Variants in SEC14L3 observed in about 807,000 individuals in gnomAD.
The protein encoded by SEC14L3 is SEC14 like lipid binding 3.
Under a neutral mutation model 57.4 loss-of-function variants are expected in SEC14L3, and 56 were observed. The observed-to-expected ratio is 0.97, with a 90% CI of 0.79 to 1.22. The LOEUF (loss-of-function observed/expected upper bound fraction) is 1.22. SEC14L3 is among the 50% of genes most tolerant of loss of function. SEC14L3 has a pLI of 0.00. For synonymous variants in SEC14L3, 173 were observed against 194.4 expected (o/e 0.89, Z 0.92); for missense variants, 485 against 511.7 (o/e 0.95, Z 0.50).
In SEC14L3 at chr22:30,464,791, G is replaced by A. The variant is rs748163291; in HGVS notation, c.664+29C>T. ...CCTCACTCCAAAGGTCATGTATAGAGGTCAGGAAATTGAGCTGGCACTACT... is the reference window on the plus strand; with the variant it reads ...CCTCACTCCAAAGGTCATGTATAGAAGTCAGGAAATTGAGCTGGCACTACT... On this transcript the variant is annotated intron_variant, in intron 8 of 11. Transcript: ENST00000215812. 12 of 1,609,494 alleles carry A rather than the reference G, an allele frequency of 7.5e-6. No individual in the cohort carries two copies. The South Asian group carries it at 7.7e-5, about 10-fold the overall frequency.
chr22:30,451,591 G>A (rs1934981736), intron 12 of SEC14L3, among the ~76,000 whole-genome samples: 1 of 152,182 alleles, frequency 6.6e-6, no homozygotes, highest in Non-Finnish European at 1.5e-5. Context: ...GCCCCGAAGA[G>A]TAAGAAACCA....
At chr22:30,451,147 T>C (rs1166637011) in intron 12 of SEC14L3, among the ~76,000 whole-genome samples, 1 of 152,174 alleles carries the variant, frequency 6.6e-6, no homozygotes, top group Non-Finnish European at 1.5e-5. Flanking sequence ...GCAGGCCAGG[T>C]CAGGGGGGCT....
rs1181055637 is a variant in SEC14L3, at chr22:30,462,123, AG to A, written c.733del (p.Leu245Ter). ...TTTGGGGTTCCCATCTGGGTCAGTC[AG>A]GGTGCCCCCAAACTGGGCAGGCAGT... ...EELPAQFGGT[L>X]TDPDGNPKCL... On this transcript the variant is annotated frameshift_variant, in exon 9 of 12. Transcript: ENST00000215812. LOFTEE classifies it high-confidence loss of function. 14 of 1,614,160 alleles carry A rather than the reference AG, an allele frequency of 8.7e-6. No homozygotes were observed. Among genetic ancestry groups the A allele is most frequent in the Non-Finnish European group, 1.1e-5 (13 of 1,180,000 alleles).
At chr22:30,470,184 A>G in intron 3 of SEC14L3, 28 bp downstream of exon 3, 1 of 1,613,966 alleles carries the variant, frequency 6.2e-7, no homozygotes, top group Non-Finnish European at 8.5e-7. Flanking sequence ...AATCCCCTCC[A>G]TAAATTTCCA....
At chr22:30,460,188 C>T (rs367973221) in intron 11 of SEC14L3, 46 bp from the exon 12 acceptor site, 8 of 1,597,720 alleles carry the variant, frequency 5.0e-6, no homozygotes, top group South Asian at 3.3e-5. Context: ...GCTTTACACA[C>T]TCTTTTTTCC....
chr22:30,449,374 T>C (rs1934936022), intron 12 of SEC14L3: 1 of 1,280,714 alleles, frequency 7.8e-7, no homozygotes, highest in Non-Finnish European at 1.1e-6. Flanking sequence ...CTATGTGTCA[T>C]TCTATAATAG....
chr22:30,470,658 A>G, intron 1 of SEC14L3, 76 bp from the exon 2 acceptor site: 2 of 1,602,148 alleles, frequency 1.2e-6, no homozygotes, highest in Admixed American at 1.7e-5. Context: ...CTGTTTTCAC[A>G]ACCTCTCCTT....
At chr22:30,468,973 C>T (rs151299258) in intron 4 of SEC14L3, 14 of 1,419,948 alleles carry the variant, frequency 9.9e-6, no homozygotes, top group African/African-American at 4.3e-5. Context: ...GGAGAAGAGT[C>T]GGGTTTAGTG....
chr22:30,457,723 C>T (rs1484900865), downstream of SEC14L3, among the ~76,000 whole-genome samples: 2 of 151,078 alleles, frequency 1.3e-5, no homozygotes, highest in East Asian at 3.9e-4. Context: ...TGACAACCCT[C>T]ATTTTCTCTT....
chr22:30,467,344 C>T (rs1346190567), intron 5 of SEC14L3, among the ~76,000 whole-genome samples: 3 of 152,140 alleles, frequency 2.0e-5, no homozygotes, highest in Non-Finnish European at 4.4e-5. Context: ...TTAATTGAAC[C>T]ATCCATCCAT....
At chr22:30,455,935 C>T (rs778534583), downstream of SEC14L3, among the ~76,000 whole-genome samples, 4 of 152,164 alleles carry the variant, frequency 2.6e-5, no homozygotes, top group Admixed American at 6.6e-5. Flanking sequence ...GGCCTGCAGG[C>T]CTTGGTTTTC....
At chr22:30,457,377 CTTTTTTTT>C (rs60894978), downstream of SEC14L3, among the ~76,000 whole-genome samples, 5 of 136,644 alleles carry the variant, frequency 3.7e-5, no homozygotes, top group Non-Finnish European at 6.3e-5. Flanking sequence ...TTAAGTATGT[CTTTTTTTT>C]TTTTTTTTTT....
chr22:30,469,787 G>A (rs563005239), intron 4 of SEC14L3, among the ~76,000 whole-genome samples: 2 of 152,266 alleles, frequency 1.3e-5, no homozygotes, highest in East Asian at 3.9e-4. Context: ...CACAAAATGG[G>A]GACAATAGCA....
intron 4 of SEC14L3, chr22:30,469,047 G>T: frequency 8.9e-7 from 1 of 1,128,884 alleles, no homozygotes; most frequent in Non-Finnish European, 1.2e-6. Flanking sequence ...GCTGGGCATG[G>T]AGGCTCATGC....
intron 12 of SEC14L3, among the ~76,000 whole-genome samples, chr22:30,451,991 C>CAAA (rs34799395): frequency 0.02 from 658 of 33,716 alleles, 24 homozygotes; most frequent in Non-Finnish European, 0.022. Flanking sequence ...GACTCCATCT[C>CAAA]AAAAAAAAAA....
chr22:30,451,945 T>TCA (rs1251285632), intron 12 of SEC14L3, among the ~76,000 whole-genome samples: 1 of 122,930 alleles, frequency 8.1e-6, no homozygotes, highest in African/African-American at 3.2e-5. Context: ...TGAGCCAAGA[T>TCA]CGCGCCACTG....
intron 11 of SEC14L3, among the ~76,000 whole-genome samples, chr22:30,460,694 T>TG (rs66471266): frequency 1 from 152,284 of 152,286 alleles, 76,141 homozygotes; most frequent in Middle Eastern, 1. Flanking sequence ...TTAAGTGTGG[T>TG]GCACATGCCT....
chr22:30,468,139 C>A (rs145368442), intron 5 of SEC14L3, among the ~76,000 whole-genome samples: 1 of 151,944 alleles, frequency 6.6e-6, no homozygotes. Flanking sequence ...ATTAGCCCTG[C>A]GTGGTGGCGG....
intron 4 of SEC14L3, among the ~76,000 whole-genome samples, chr22:30,469,307 T>G (rs1167988406): frequency 2.1e-4 from 15 of 72,134 alleles, no homozygotes; most frequent in African/African-American, 1.4e-3. Context: ...TGAGACCCCA[T>G]CCAAAAAAAA....
Sources: allele counts gnomAD v4.1 joint callset (sites outside exome capture counted in the v4.1 genomes callset), GRCh38; gene constraint gnomAD v4.1.1; transcripts MANE v1.5; gene names NCBI Gene and HGNC (gene_info 2026-07-23, HGNC 2026-07-21).